The following IFT56 variants were observed in gnomAD, a reference collection of about 807,000 sequenced individuals.
IFT56 encodes the protein intraflagellar transport 56, also known as intraflagellar transport protein 56.
At chr7:139,187,323 C>T in the IFT56 span, 3 of 1,514,764 alleles carry the variant, frequency 2.0e-6, no homozygotes, top group Non-Finnish European at 2.7e-6. Flanking sequence ...TCATACAGTC[C>T]CGTTTCATGT....
the IFT56 span, chr7:139,147,104 A>G: frequency 6.2e-7 from 1 of 1,608,222 alleles, no homozygotes; most frequent in South Asian, 1.1e-5. Context: ...AACAACACTA[A>G]TATGAATCTT....
At chr7:139,161,144 C>T in the IFT56 span, 1 of 797,764 alleles carries the variant, frequency 1.3e-6, no homozygotes, top group South Asian at 1.8e-5. Flanking sequence ...CAAGGGAACC[C>T]CTCCTCACTG....
chr7:139,140,010 G>A, the IFT56 span: 3 of 1,561,048 alleles, frequency 1.9e-6, no homozygotes, highest in Non-Finnish European at 2.6e-6. Context: ...TAAAGGTAAA[G>A]GGGCTCTTAT....
the IFT56 span, among the ~76,000 whole-genome samples, chr7:139,143,042 T>C: frequency 6.6e-6 from 1 of 152,150 alleles, no homozygotes; most frequent in Non-Finnish European, 1.5e-5. Flanking sequence ...AATTGTTTTA[T>C]AGCATTCCAC....
At chr7:139,184,167 C>G in the IFT56 span, among the ~76,000 whole-genome samples, 1 of 152,216 alleles carries the variant, frequency 6.6e-6, no homozygotes, top group African/African-American at 2.4e-5. Flanking sequence ...ACAGTAAACA[C>G]CAAGGCCAGT....
At chr7:139,173,224 C>CT in the IFT56 span, 6 of 458,890 alleles carry the variant, frequency 1.3e-5, no homozygotes, top group South Asian at 3.5e-5. Context: ...TACAAAGTCA[C>CT]CTTTTTTTTT....
the IFT56 span, among the ~76,000 whole-genome samples, chr7:139,150,095 T>C: frequency 3.3e-5 from 5 of 152,152 alleles, no homozygotes; most frequent in African/African-American, 1.2e-4. Flanking sequence ...ATCCTACCCT[T>C]GCCCTCCAAA....
chr7:139,158,876 T>C, the IFT56 span, among the ~76,000 whole-genome samples: 1 of 152,156 alleles, frequency 6.6e-6, no homozygotes, highest in African/African-American at 2.4e-5. Context: ...ATGGCGCCAC[T>C]GCACTCCAGC....
chr7:139,173,609 C>T, the IFT56 span: 1 of 811,806 alleles, frequency 1.2e-6, no homozygotes, highest in Non-Finnish European at 2.2e-6. Flanking sequence ...TATTCTTAAT[C>T]CATCCACCAT....
At chr7:139,188,783 A>G in the IFT56 span, among the ~76,000 whole-genome samples, 1 of 152,262 alleles carries the variant, frequency 6.6e-6, no homozygotes, top group Non-Finnish European at 1.5e-5. Flanking sequence ...TTAGTCCTTA[A>G]TGTCCATCTC....
chr7:139,177,296 C>T, the IFT56 span, among the ~76,000 whole-genome samples: 2 of 149,458 alleles, frequency 1.3e-5, no homozygotes, highest in Admixed American at 6.7e-5. Flanking sequence ...TGATCCTTAC[C>T]CAACTTTTTG....
At chr7:139,137,899 A>G in the IFT56 span, 1 of 1,613,492 alleles carries the variant, frequency 6.2e-7, no homozygotes, top group East Asian at 2.2e-5. Context: ...TGGATTGGAT[A>G]TTGTGCCTTT....
At chr7:139,172,580 G>C in the IFT56 span, 1 of 566,690 alleles carries the variant, frequency 1.8e-6, no homozygotes, top group East Asian at 4.5e-5. Flanking sequence ...AGCTGACTCT[G>C]GGAAAAAGTA....
At chr7:139,187,204 A>G in the IFT56 span, among the ~76,000 whole-genome samples, 2 of 152,152 alleles carry the variant, frequency 1.3e-5, no homozygotes, top group African/African-American at 2.4e-5. Flanking sequence ...GGTAGTTTAA[A>G]CTGAACCCAT....
chr7:139,137,967 A>G, the IFT56 span: 5 of 1,406,102 alleles, frequency 3.6e-6, no homozygotes, highest in East Asian at 1.1e-4. Context: ...TTTTTTCCTA[A>G]CAGAACTGTG....
the IFT56 span, among the ~76,000 whole-genome samples, chr7:139,154,203 T>A: frequency 6.6e-6 from 1 of 152,164 alleles, no homozygotes; most frequent in Non-Finnish European, 1.5e-5. Context: ...TATTATTGAG[T>A]TTCACATGTT....
At chr7:139,183,383 G>A in the IFT56 span, among the ~76,000 whole-genome samples, 6 of 152,116 alleles carry the variant, frequency 3.9e-5, no homozygotes, top group African/African-American at 1.4e-4. Context: ...GATGGGTGTA[G>A]GTGAAGGCTA....
chr7:139,150,648 A>G, the IFT56 span, among the ~76,000 whole-genome samples: 1 of 152,208 alleles, frequency 6.6e-6, no homozygotes, highest in Non-Finnish European at 1.5e-5. Flanking sequence ...ATGTTTAATT[A>G]TTATAATTTT....
chr7:139,144,819 A>T, the IFT56 span, among the ~76,000 whole-genome samples: 1 of 151,892 alleles, frequency 6.6e-6, no homozygotes, highest in Non-Finnish European at 1.5e-5. Context: ...TCCAGTTAAA[A>T]TTTCCTAATT....
Sources: gnomAD v4.1 joint callset for allele counts (sites outside exome capture counted in the v4.1 genomes callset) on GRCh38, gnomAD v4.1.1 for gene constraint, MANE v1.5 for transcripts, NCBI Gene and HGNC (gene_info 2026-07-23, HGNC 2026-07-21) for gene names.